The following PRKAR1A variants were observed in gnomAD, a reference collection of about 807,000 sequenced individuals.
PRKAR1A encodes cAMP-dependent protein kinase type I-alpha regulatory subunit.
A neutral mutation model predicts 52.0 loss-of-function variants in PRKAR1A; 3 were observed. The observed-to-expected ratio is 0.06, with a 90% confidence interval of 0.03 to 0.15. The LOEUF (loss-of-function observed/expected upper bound fraction) is 0.15, where lower values mean the gene tolerates loss of function less well. Among genes scored for constraint, PRKAR1A ranks in the 10% least tolerant of loss-of-function variants. The probability of loss-of-function intolerance (pLI) is 1.00; values close to 1 mark genes in which losing one functional copy is unlikely to be tolerated. For missense variants in PRKAR1A, 240 were observed against 477.4 expected (o/e 0.50, Z 4.63); for synonymous variants, 188 against 168.4 (o/e 1.12, Z -0.90).
the PRKAR1A span, among the ~76,000 whole-genome samples, chr17:68,496,871 G>T: frequency 3.3e-5 from 4 of 122,834 alleles, no homozygotes; most frequent in Non-Finnish European, 6.4e-5. Flanking sequence ...TGTCACCCAG[G>T]CTAGAGTGCA....
chr17:68,495,685 C>T, the PRKAR1A span, among the ~76,000 whole-genome samples: 10 of 152,202 alleles, frequency 6.6e-5, no homozygotes, highest in Admixed American at 6.5e-4. Context: ...ATTTCTTCTA[C>T]TTATCTGTGT....
At chr17:68,505,300 A>G in the PRKAR1A span, among the ~76,000 whole-genome samples, 1 of 152,082 alleles carries the variant, frequency 6.6e-6, no homozygotes, top group East Asian at 1.9e-4. Flanking sequence ...CAAAAAATAT[A>G]TATGTAGATA....
At chr17:68,477,446 G>A in the PRKAR1A span, among the ~76,000 whole-genome samples, 156 of 152,292 alleles carry the variant, frequency 1.0e-3, no homozygotes, top group African/African-American at 3.6e-3. Context: ...AATGTTTCAA[G>A]TGTTGGGTTC....
chr17:68,524,700 G>A (rs955587218), intron 5 of PRKAR1A, among the ~76,000 whole-genome samples: 1 of 151,874 alleles, frequency 6.6e-6, no homozygotes, highest in Non-Finnish European at 1.5e-5. Context: ...TTTTTTCAGA[G>A]GTATTCTTCA....
chr17:68,546,956 A>C (rs918272137), intron 11 of PRKAR1A, among the ~76,000 whole-genome samples: 1 of 152,038 alleles, frequency 6.6e-6, no homozygotes, highest in Admixed American at 6.5e-5. Flanking sequence ...TCTCCAGCAG[A>C]GCTCTTGAGT....
the PRKAR1A span, among the ~76,000 whole-genome samples, chr17:68,432,128 C>T: frequency 6.6e-6 from 1 of 152,116 alleles, no homozygotes; most frequent in East Asian, 1.9e-4. Flanking sequence ...CTTTGGGTTA[C>T]ACCTGTGCAG....
chr17:68,479,981 C>T, the PRKAR1A span, among the ~76,000 whole-genome samples: 125 of 152,282 alleles, frequency 8.2e-4, no homozygotes, highest in African/African-American at 2.7e-3. Context: ...ATGAGAACAG[C>T]ATAAGGGTGA....
At chr17:68,495,508 T>C in the PRKAR1A span, among the ~76,000 whole-genome samples, 2 of 152,172 alleles carry the variant, frequency 1.3e-5, no homozygotes, top group Non-Finnish European at 2.9e-5. Flanking sequence ...CCTGGTAAAT[T>C]CTTGTTGAGC....
chr17:68,542,672 A>G (rs929226503), intron 11 of PRKAR1A: 1 of 1,580,432 alleles, frequency 6.3e-7, no homozygotes, highest in South Asian at 1.1e-5. Context: ...GACCCGGAAT[A>G]TCACTCGGGC....
chr17:68,416,067 C>A, the PRKAR1A span, among the ~76,000 whole-genome samples: 1 of 152,020 alleles, frequency 6.6e-6, no homozygotes, highest in Non-Finnish European at 1.5e-5. Flanking sequence ...CTATTTGTTG[C>A]CCATGTGCCT....
chr17:68,542,002 T>C (rs747905780), intron 11 of PRKAR1A: 1 of 1,613,452 alleles, frequency 6.2e-7, no homozygotes, highest in Non-Finnish European at 8.5e-7. Context: ...TTCCTGCCAG[T>C]GTGTAGGAGC....
chr17:68,486,524 TCTTTCTTTC>T, the PRKAR1A span, among the ~76,000 whole-genome samples: 1 of 117,130 alleles, frequency 8.5e-6, no homozygotes, highest in Non-Finnish European at 1.9e-5. Flanking sequence ...TTTCTTTCTT[TCTTTCTTTC>T]TTTCTTTCTT....
chr17:68,518,369 C>G (rs762129251), intron 2 of PRKAR1A, among the ~76,000 whole-genome samples: 8 of 152,242 alleles, frequency 5.3e-5, no homozygotes, highest in Non-Finnish European at 7.3e-5. Flanking sequence ...AAACTTCTGT[C>G]TGGGCATCCA....
At chr17:68,486,519 T>TCCTTCCTTCCTTCCTTCCC in the PRKAR1A span, among the ~76,000 whole-genome samples, 15 of 75,304 alleles carry the variant, frequency 2.0e-4, no homozygotes, top group South Asian at 2.2e-3. Context: ...CTTTCTTTCT[T>TCCTTCCTTCCTTCCTTCCC]TCTTTCTTTC....
upstream of PRKAR1A, among the ~76,000 whole-genome samples, chr17:68,507,468 G>A (rs1296761027): frequency 6.6e-6 from 1 of 152,108 alleles, no homozygotes; most frequent in Non-Finnish European, 1.5e-5. Flanking sequence ...TGGACACAGG[G>A]AGCAGAACAA....
chr17:68,454,980 T>G, the PRKAR1A span, among the ~76,000 whole-genome samples: 3 of 152,198 alleles, frequency 2.0e-5, no homozygotes, highest in African/African-American at 7.2e-5. Context: ...ATTTCATCCA[T>G]AAAGTCTTTC....
At chr17:68,457,426 G>A in the PRKAR1A span, 2 of 1,471,812 alleles carry the variant, frequency 1.4e-6, no homozygotes, top group South Asian at 1.3e-5. Context: ...CTCCATCGGG[G>A]GCTCGGCCCG....
At chr17:68,520,747 GAC>G (rs961309101) in intron 2 of PRKAR1A, among the ~76,000 whole-genome samples, 1 of 152,158 alleles carries the variant, frequency 6.6e-6, no homozygotes, top group African/African-American at 2.4e-5. Flanking sequence ...GAATCCATGA[GAC>G]ACTGCTAAAA....
chr17:68,424,620 A>G, the PRKAR1A span: 1 of 442,586 alleles, frequency 2.3e-6, no homozygotes, highest in African/African-American at 2.0e-5. Context: ...TCACGCCTGT[A>G]ATCCTAGCAC....
Sources: gnomAD v4.1 joint callset for allele counts (sites outside exome capture counted in the v4.1 genomes callset) on GRCh38, gnomAD v4.1.1 for gene constraint, MANE v1.5 for transcripts, NCBI Gene and HGNC (gene_info 2026-07-23, HGNC 2026-07-21) for gene names.